Variants in ARHGEF28 observed in about 807,000 individuals in gnomAD.
ARHGEF28 encodes the protein 190 kDa guanine nucleotide exchange factor.
In ARHGEF28, 152 loss-of-function variants were observed where a neutral mutation model predicts 206.6. That is an observed-to-expected ratio of 0.74 (90% CI 0.64 to 0.84). ARHGEF28 has a LOEUF of 0.84. Among genes scored for constraint, ARHGEF28 ranks in the 40% least tolerant of loss-of-function variants. The probability of loss-of-function intolerance (pLI) is 0.00; values close to 1 mark genes in which losing one functional copy is unlikely to be tolerated. For missense variants in ARHGEF28, 2,028 were observed against 2,073.2 expected, an observed-to-expected ratio of 0.98 and a Z score of 0.42; for synonymous variants, 763 against 776.4, an observed-to-expected ratio of 0.98 and a Z score of 0.29.
At chr5:73,738,560 A>T (rs898591285) in intron 2 of ARHGEF28, among the ~76,000 whole-genome samples, 1 of 151,570 alleles carries the variant, frequency 6.6e-6, no homozygotes, top group African/African-American at 2.4e-5. Context: ...GAGGATAGAT[A>T]GGTGGAAGGA....
intron 7 of ARHGEF28, among the ~76,000 whole-genome samples, chr5:73,788,493 T>C (rs1754287687): frequency 6.6e-6 from 1 of 152,176 alleles, no homozygotes; most frequent in African/African-American, 2.4e-5. Flanking sequence ...GATTAATATA[T>C]ATTTTGTATG....
rs529784700 is a variant in ARHGEF28, at chr5:73,931,831, T to C, written c.4949-9013T>C. On this transcript the variant is annotated intron_variant, in intron 35 of 35. Coordinates refer to ENST00000513042, the MANE Select transcript of ARHGEF28 (RefSeq NM_001177693.2). ...AGACTCCTGCTTTCCTATTTCATAG[T>C]TTACCTACCATTTTGGATTGGCGTG... Among the ~76,000 whole-genome samples the C allele has an allele frequency of 2.6e-5, 4 of 152,286 alleles. No homozygotes were observed. The South Asian group carries it at 8.3e-4, about 32-fold the overall frequency.
chr5:73,829,398 T>G (rs1039697774), intron 9 of ARHGEF28, among the ~76,000 whole-genome samples: 2 of 152,114 alleles, frequency 1.3e-5, no homozygotes, highest in African/African-American at 4.8e-5. Context: ...TTCTTTTTTT[T>G]GAGATGGAAT....
At position 73,873,190 on chromosome 5, in the gene ARHGEF28, G is replaced by A. The variant is rs1311288312; in HGVS notation, c.2758G>A (p.Ala920Thr). 1.2e-6 allele frequency: 2 copies of A among 1,611,966 alleles called. No individual in the cohort carries two copies. The highest frequency in any genetic ancestry group is 1.1e-5 in the South Asian group (1 of 90,464). The change falls in exon 22 of 36, where the codon GCT becomes ACT. Residue 920 changes from alanine (A) to threonine (T), a missense_variant. Physicochemically the swap from Ala to Thr is moderately conservative, Grantham distance 58. This residue lies in a region of ARHGEF28 where 223 missense variants were observed against 289.9 expected (regional missense o/e 0.77). Coordinates refer to ENST00000513042, the MANE Select transcript of ARHGEF28 (RefSeq NM_001177693.2). ...SMKERRQESC[A>T]GSDRNFVIDR... ...GAAGGAACGAAGGCAGGAATCCTGT[G>A]CTGGCAGCGACAGGAATTTTGTGAT...
chr5:73,905,405 T>G (rs1762494694), intron 33 of ARHGEF28: 1 of 152,136 alleles, frequency 6.6e-6, no homozygotes, highest in African/African-American at 2.4e-5. Context: ...AGGCTCAGTG[T>G]GTCCGATGGC....
In ARHGEF28 at chr5:73,868,193, C is replaced by A; in HGVS notation, c.2391C>A (p.Gly797=). 6.3e-7 allele frequency: 1 copy of A among 1,595,046 alleles called. No homozygotes were observed. Among genetic ancestry groups the A allele is most frequent in the Non-Finnish European group, 8.5e-7 (1 of 1,169,890 alleles). ...SHSDELLQSM[G]SSPSTESFIM... is the part of the protein sequence containing the mutation. ...CTGATGAGCTGCTACAGTCCATGGG[C>A]TCTTCTCCCTCTACAGAGTCTTTCA... is the stretch of plus-strand genomic sequence containing the variant. The change falls in exon 20 of 36, where the codon GGC becomes GGA. Residue 797 remains glycine, a synonymous_variant. Transcript: ENST00000513042.
Position 73,684,843 on chromosome 5 carries a change from G to A in ARHGEF28, c.-9G>A. ...CTTGTTTATTATTTTCATTGCAGAT[G>A]CGAAAGCCATGGAGTTGAGCTGCAG... On this transcript the variant is annotated splice_region_variant and 5_prime_UTR_variant, in exon 2 of 36. It removes an upstream start codon present in the reference 5' UTR. Coordinates refer to ENST00000513042, the MANE Select transcript of ARHGEF28 (RefSeq NM_001177693.2). The A allele has an allele frequency of 6.2e-7, 1 of 1,608,570 alleles. No individual in the cohort carries two copies. The highest frequency in any genetic ancestry group is 8.5e-7 in the Non-Finnish European group (1 of 1,177,280).
At chr5:73,693,168 C>G (rs541511307) in intron 2 of ARHGEF28, among the ~76,000 whole-genome samples, 2 of 152,172 alleles carry the variant, frequency 1.3e-5, no homozygotes, top group African/African-American at 4.8e-5. Context: ...GTGGCAGATC[C>G]CACAATAAGC....
chr5:73,698,824 G>A (rs569854097), intron 2 of ARHGEF28, among the ~76,000 whole-genome samples: 2 of 152,062 alleles, frequency 1.3e-5, no homozygotes, highest in East Asian at 3.9e-4. Context: ...TCACAGGCAG[G>A]TGAAGGGTGG....
At chr5:73,892,602 A>C (rs1449721174) in intron 27 of ARHGEF28, among the ~76,000 whole-genome samples, 2 of 151,872 alleles carry the variant, frequency 1.3e-5, no homozygotes, top group African/African-American at 2.4e-5. Context: ...TTTTATGTAC[A>C]TATGTGTGTG....
intron 22 of ARHGEF28, among the ~76,000 whole-genome samples, chr5:73,881,503 T>C (rs940265312): frequency 2.6e-5 from 4 of 152,246 alleles, no homozygotes; most frequent in Non-Finnish European, 5.9e-5. Context: ...GAGTCATATA[T>C]GTGTTTTGTT....
intron 7 of ARHGEF28, among the ~76,000 whole-genome samples, chr5:73,785,446 G>A (rs1195393757): frequency 6.6e-6 from 1 of 152,026 alleles, no homozygotes; most frequent in African/African-American, 2.4e-5. Context: ...CTGGGTTCCC[G>A]CCATCTGTTA....
At chr5:73,670,766 G>A (rs1285626263) in intron 1 of ARHGEF28, among the ~76,000 whole-genome samples, 1 of 151,972 alleles carries the variant, frequency 6.6e-6, no homozygotes, top group African/African-American at 2.4e-5. Flanking sequence ...ATATTCATTT[G>A]CCATCTGTAT....
chr5:73,648,979 C>A (rs1744621419), intron 1 of ARHGEF28, among the ~76,000 whole-genome samples: 1 of 152,240 alleles, frequency 6.6e-6, no homozygotes, highest in African/African-American at 2.4e-5. Flanking sequence ...ATAGCAGTCA[C>A]TGCCATCACC....
chr5:73,911,053 T>C (rs1032850463), intron 34 of ARHGEF28, among the ~76,000 whole-genome samples: 1 of 152,208 alleles, frequency 6.6e-6, no homozygotes, highest in Non-Finnish European at 1.5e-5. Flanking sequence ...AGTGCCACTT[T>C]TTTTGTTGTT....
chr5:73,857,969 A>G, intron 15 of ARHGEF28, 118 bp from the exon 16 acceptor site: 2 of 1,464,536 alleles, frequency 1.4e-6, no homozygotes, highest in East Asian at 2.3e-5. Context: ...TGCAGTCCTT[A>G]TATTCTGATG....
chr5:73,916,206 G>A (rs977972290), intron 35 of ARHGEF28, among the ~76,000 whole-genome samples: 9 of 152,110 alleles, frequency 5.9e-5, no homozygotes, highest in African/African-American at 1.9e-4. Flanking sequence ...AATTTCTCAT[G>A]TTTTAAAATA....
intron 1 of ARHGEF28, among the ~76,000 whole-genome samples, chr5:73,664,959 T>G (rs541934806): frequency 6.6e-6 from 1 of 152,314 alleles, no homozygotes; most frequent in South Asian, 2.1e-4. Flanking sequence ...GTCACATTAA[T>G]TCTGCCTAGT....
chr5:73,835,262 G>A (rs891193025), intron 10 of ARHGEF28: 1 of 152,254 alleles, frequency 6.6e-6, no homozygotes, highest in African/African-American at 2.4e-5. Flanking sequence ...ACGAGGTTAG[G>A]AGATTGAGAC....
Sources: gnomAD v4.1 joint callset for allele counts (sites outside exome capture counted in the v4.1 genomes callset) on GRCh38, gnomAD v4.1.1 for gene constraint, gnomAD v4.1.1 regional missense constraint, MANE v1.5 for transcripts, NCBI Gene and HGNC (gene_info 2026-07-23, HGNC 2026-07-21) for gene names.